The following EXOC6B variants were observed in gnomAD, a reference collection of about 807,000 sequenced individuals.
EXOC6B encodes the protein SEC15 homolog B.
A neutral mutation model predicts 113.5 loss-of-function variants in EXOC6B; 54 were observed. The observed-to-expected ratio is 0.48, with a 90% CI of 0.38 to 0.60. The LOEUF (loss-of-function observed/expected upper bound fraction) is 0.60, where lower values mean the gene tolerates loss of function less well. Among genes scored for constraint, EXOC6B ranks in the 20% least tolerant of loss-of-function variants. The probability of loss-of-function intolerance (pLI) is 0.00; values close to 1 mark genes in which losing one functional copy is unlikely to be tolerated. For missense variants in EXOC6B, 797 were observed against 977.5 expected (o/e 0.82, Z 2.46); for synonymous variants, 357 against 339.0 (o/e 1.05, Z -0.58).
At chr2:72,723,472 T>G (rs956581951) in intron 5 of EXOC6B, among the ~76,000 whole-genome samples, 2 of 152,186 alleles carry the variant, frequency 1.3e-5, no homozygotes, top group African/African-American at 4.8e-5. Context: ...TGCCATACCA[T>G]GGAATTCTTT....
At chr2:72,688,770 A>G (rs1677274320) in intron 6 of EXOC6B, among the ~76,000 whole-genome samples, 1 of 152,216 alleles carries the variant, frequency 6.6e-6, no homozygotes, top group Non-Finnish European at 1.5e-5. Flanking sequence ...CAATGTAAAA[A>G]TCACTCTTAT....
chr2:72,665,662 C>T (rs763324528), intron 6 of EXOC6B, among the ~76,000 whole-genome samples: 4 of 152,172 alleles, frequency 2.6e-5, no homozygotes, highest in African/African-American at 9.7e-5. Flanking sequence ...GAATTCATTA[C>T]CACTAGACCA....
intron 6 of EXOC6B, among the ~76,000 whole-genome samples, chr2:72,631,829 C>G (rs1341462222): frequency 6.6e-6 from 1 of 152,080 alleles, no homozygotes; most frequent in East Asian, 1.9e-4. Flanking sequence ...TAACGCTTAG[C>G]TGACACCAAA....
intron 18 of EXOC6B, among the ~76,000 whole-genome samples, chr2:72,430,982 T>C (rs1695486558): frequency 6.6e-6 from 1 of 152,198 alleles, no homozygotes; most frequent in African/African-American, 2.4e-5. Flanking sequence ...ACTGAGTGCA[T>C]AACCATAAAG....
At chr2:72,507,575 T>C (rs1305441523) in intron 11 of EXOC6B, among the ~76,000 whole-genome samples, 1 of 152,022 alleles carries the variant, frequency 6.6e-6, no homozygotes. Context: ...GAACTAAAAA[T>C]TAAAATTAAA....
At chr2:72,460,469 G>T (rs1032450509) in intron 18 of EXOC6B, among the ~76,000 whole-genome samples, 2 of 151,818 alleles carry the variant, frequency 1.3e-5, no homozygotes, top group Non-Finnish European at 1.5e-5. Flanking sequence ...CTGACAAAGG[G>T]CTAATATCCA....
At chr2:72,256,107 A>G (rs1683339446) in intron 20 of EXOC6B, among the ~76,000 whole-genome samples, 1 of 152,176 alleles carries the variant, frequency 6.6e-6, no homozygotes, top group Non-Finnish European at 1.5e-5. Context: ...TGAGGAAAAG[A>G]GGTCATATAA....
chr2:72,219,590 C>T (rs967525040), intron 20 of EXOC6B, among the ~76,000 whole-genome samples: 4 of 151,948 alleles, frequency 2.6e-5, no homozygotes, highest in African/African-American at 9.7e-5. Flanking sequence ...CTTCTCTTCC[C>T]TACTCTATCT....
At chr2:72,692,385 T>C (rs983936530) in intron 6 of EXOC6B, among the ~76,000 whole-genome samples, 6 of 150,588 alleles carry the variant, frequency 4.0e-5, no homozygotes, top group Admixed American at 3.3e-4. Flanking sequence ...AGAGTCTCGC[T>C]CTGTCGCCTA....
intron 20 of EXOC6B, among the ~76,000 whole-genome samples, chr2:72,217,028 C>T (rs1263845674): frequency 7.5e-6 from 1 of 132,964 alleles, no homozygotes; most frequent in Non-Finnish European, 1.6e-5. Flanking sequence ...CTGGGCGACT[C>T]CATATCAAAA....
intron 1 of EXOC6B, among the ~76,000 whole-genome samples, chr2:72,821,026 G>C (rs1280800643): frequency 6.6e-6 from 1 of 151,914 alleles, no homozygotes; most frequent in Non-Finnish European, 1.5e-5. Context: ...TGCAGCAAAA[G>C]CTAAGAACAT....
At chr2:72,551,742 C>A (rs936727571) in intron 8 of EXOC6B, among the ~76,000 whole-genome samples, 5 of 146,052 alleles carry the variant, frequency 3.4e-5, no homozygotes, top group African/African-American at 1.3e-4. Context: ...GTGATCCGCC[C>A]GCCTCGGCCT....
intron 6 of EXOC6B, among the ~76,000 whole-genome samples, chr2:72,657,863 A>G (rs1257182771): frequency 3.3e-5 from 5 of 151,416 alleles, no homozygotes. Context: ...TTGACTTTAA[A>G]AGCTAATCAC....
chr2:72,762,263 A>G (rs1682787511), intron 1 of EXOC6B, among the ~76,000 whole-genome samples: 1 of 151,792 alleles, frequency 6.6e-6, no homozygotes, highest in Non-Finnish European at 1.5e-5. Context: ...AAAAAAGAAA[A>G]GAAAAGAAGA....
At chr2:72,622,750 T>C (rs1480066860) in intron 6 of EXOC6B, among the ~76,000 whole-genome samples, 2 of 151,862 alleles carry the variant, frequency 1.3e-5, no homozygotes, top group Non-Finnish European at 2.9e-5. Flanking sequence ...ACATGGCCAA[T>C]AAATATATGA....
At chr2:72,515,690 G>A (rs976357706) in intron 8 of EXOC6B, 2 of 988,456 alleles carry the variant, frequency 2.0e-6, no homozygotes, top group South Asian at 4.7e-5. Context: ...TAGGGTTTCT[G>A]GGCTTAAAAT....
intron 18 of EXOC6B, among the ~76,000 whole-genome samples, chr2:72,417,451 C>T (rs928263128): frequency 3.3e-5 from 5 of 152,296 alleles, no homozygotes; most frequent in Admixed American, 2.6e-4. Context: ...AGCCACCATG[C>T]CTGGCCAATT....
chr2:72,732,921 A>G (rs1680731690), intron 3 of EXOC6B, 150 bp downstream of exon 3: 1 of 683,430 alleles, frequency 1.5e-6, no homozygotes. Context: ...ATGTTCATTT[A>G]ATTCAGATAA....
At chr2:72,609,924 A>T (rs145394126) in intron 6 of EXOC6B, among the ~76,000 whole-genome samples, 2,486 of 152,266 alleles carry the variant, frequency 0.016, 65 homozygotes, top group African/African-American at 0.055. Flanking sequence ...TACAACTAAC[A>T]TCAGAAACAA....
Sources: allele counts gnomAD v4.1 joint callset (sites outside exome capture counted in the v4.1 genomes callset), GRCh38; gene constraint gnomAD v4.1.1; transcripts MANE v1.5; gene names NCBI Gene and HGNC (gene_info 2026-07-23, HGNC 2026-07-21).